Variants in CCDC88A observed in about 807,000 individuals in gnomAD.
CCDC88A encodes the protein girdin.
In CCDC88A, 54 loss-of-function variants were observed where a neutral mutation model predicts 234.3. The observed-to-expected ratio is 0.23, with a 90% confidence interval of 0.19 to 0.29. The LOEUF is 0.29. Among genes scored for constraint, CCDC88A ranks in the 10% least tolerant of loss-of-function variants. The probability of loss-of-function intolerance (pLI) is 1.00; values close to 1 mark genes in which losing one functional copy is unlikely to be tolerated. For missense variants in CCDC88A, 1,832 were observed against 2,123.4 expected (o/e 0.86, Z 2.70); for synonymous variants, 753 against 737.8 (o/e 1.02, Z -0.33).
intron 22 of CCDC88A, 49 bp downstream of exon 22, chr2:55,315,879 G>A (rs770602741): frequency 9.0e-6 from 9 of 994,748 alleles, no homozygotes; most frequent in Non-Finnish European, 1.3e-5. Flanking sequence ...TCTTAGGCAT[G>A]TCTTGGTGCC....
rs770905072 is a variant in CCDC88A, at chr2:55,374,887, T to C, written c.274-4A>G. 6.3e-7 allele frequency: 1 copy of C among 1,591,908 alleles called. No individual in the cohort carries two copies. The highest frequency in any genetic ancestry group is 8.6e-7 in the Non-Finnish European group (1 of 1,161,374). On this transcript the variant is annotated splice_region_variant and splice_polypyrimidine_tract_variant and intron_variant, in intron 3 of 32. Coordinates refer to ENST00000436346, the MANE Select transcript of CCDC88A (RefSeq NM_001365480.1). ...TGATCAATTGCTGCAAAGTCTCCTG[T>C]AAAAAAATATCCAACACTTGTTATA...
At position 55,349,569 on chromosome 2, in the gene CCDC88A, A is replaced by G; in HGVS notation, c.831T>C (p.Cys277=). The G allele has an allele frequency of 6.2e-7, 1 of 1,613,012 alleles. No individual in the cohort carries two copies. The highest frequency in any genetic ancestry group is 1.1e-5 in the South Asian group (1 of 90,888). Residue 277 remains cysteine, a synonymous_variant, in exon 9 of 33, where the codon TGT becomes TGC. Transcript: ENST00000436346. ...LEEKTEQLLD[C]KQELEQMEIE... Reference sequence around the variant, plus strand: ...TTTCCATTTGCTCAAGTTCTTGTTTACAATCCAACAACTGCTCAGTCTTTT... The same window carrying G: ...TTTCCATTTGCTCAAGTTCTTGTTTGCAATCCAACAACTGCTCAGTCTTTT...
intron 29 of CCDC88A, chr2:55,296,790 A>G (rs538570473): frequency 2.5e-6 from 1 of 405,026 alleles, no homozygotes; most frequent in Non-Finnish European, 4.4e-6. Flanking sequence ...CTCAGAGCCT[A>G]AACAGAGCCT....
chr2:55,317,722 G>A lies in CCDC88A; in HGVS notation c.3444C>T (p.Asp1148=), dbSNP rs1021099724. The change falls in exon 20 of 33, where the codon GAC becomes GAT. Residue 1148 remains aspartate (D), a synonymous_variant. Coordinates refer to ENST00000436346, the MANE Select transcript of CCDC88A (RefSeq NM_001365480.1). This position sits in a 1 kb window ranked among gnomAD's most constrained non-coding sequence, Gnocchi z 4.2. ...TCAGAGAATCATAGAGAGATTTTAGGTCTTCTCGCTCTTTGATTACAGATT... is the reference window on the plus strand; with the variant it reads ...TCAGAGAATCATAGAGAGATTTTAGATCTTCTCGCTCTTTGATTACAGATT... ...ENESVIKERE[D]LKSLYDSLIK... 1.1e-5 allele frequency: 18 copies of A among 1,613,316 alleles called. No homozygotes were observed. The African/African-American group carries it at 2.3e-4, about 20-fold the overall frequency.
rs759442962 is a variant in CCDC88A at position 55,309,150 on chromosome 2, G to T, written c.4172+12C>A. The T allele has an allele frequency of 3.4e-6, 5 of 1,489,054 alleles. No individual in the cohort carries two copies. The highest frequency in any genetic ancestry group is 1.2e-5 in the South Asian group (1 of 84,236). 92.2% of individuals were successfully genotyped at this position (1,489,054 alleles called of 1,614,324 possible). A position where few individuals can be genotyped will look rare whatever the true frequency, so the allele number is the denominator to read the frequency against. ...TTCAGAATAAGAATTCATAAAATTT[G>T]GTTAATGGTACCTTCTAGGAGGAGA... On this transcript the variant is annotated intron_variant, in intron 24 of 32. Coordinates refer to ENST00000436346, the MANE Select transcript of CCDC88A (RefSeq NM_001365480.1). The surrounding 1 kb of genome is among the most constrained non-coding windows in gnomAD (Gnocchi z 5.1).
At chr2:55,409,868 G>A (rs7561210) in intron 2 of CCDC88A, among the ~76,000 whole-genome samples, 77,033 of 150,068 alleles carry the variant, frequency 0.51, 21,524 homozygotes, top group Admixed American at 0.64. Context: ...AGCCTCCCGA[G>A]TAGCTGGGAT....
chr2:55,404,548 A>G (rs568929033), intron 2 of CCDC88A: 1 of 152,312 alleles, frequency 6.6e-6, no homozygotes, highest in South Asian at 2.1e-4. Flanking sequence ...GAAATATAAT[A>G]AAAAGTAAAA....
intron 25 of CCDC88A, among the ~76,000 whole-genome samples, chr2:55,305,673 C>T (rs1246688841): frequency 6.6e-6 from 1 of 152,074 alleles, no homozygotes; most frequent in African/African-American, 2.4e-5. Flanking sequence ...ATAAGTGAGA[C>T]CCTGTCTCTA....
intron 7 of CCDC88A, among the ~76,000 whole-genome samples, chr2:55,358,586 T>TA (rs1670890335): frequency 6.6e-6 from 1 of 152,198 alleles, no homozygotes; most frequent in Non-Finnish European, 1.5e-5. Flanking sequence ...TGCAAACTGC[T>TA]ATCATTACTT....
intron 7 of CCDC88A, among the ~76,000 whole-genome samples, chr2:55,359,896 CATT>C (rs1200790819): frequency 8.0e-6 from 1 of 124,510 alleles, no homozygotes; most frequent in Non-Finnish European, 1.7e-5. Flanking sequence ...TTGTAGAACT[CATT>C]ATTAAGGAAA....
At chr2:55,302,961 C>T (rs1681077190) in intron 26 of CCDC88A, 108 bp downstream of exon 26, 1 of 755,382 alleles carries the variant, frequency 1.3e-6, no homozygotes, top group Non-Finnish European at 2.3e-6. Flanking sequence ...GAAGACTGAC[C>T]TCTGCAAAAT....
At chr2:55,385,068 C>A (rs1241347190) in intron 3 of CCDC88A, among the ~76,000 whole-genome samples, 2 of 151,846 alleles carry the variant, frequency 1.3e-5, no homozygotes, top group Non-Finnish European at 2.9e-5. Flanking sequence ...AGATAAAGTC[C>A]CCCCAAAAAA....
In CCDC88A at chr2:55,296,161, T is replaced by G; in HGVS notation, c.5091+97A>C. ...ATAAAATTGTGGTACCTCTTAATAC[T>G]CCTTAACTTACCAAAAAAAAAAAGC... On this transcript the variant is annotated intron_variant, in intron 30 of 32. Coordinates refer to ENST00000436346, the MANE Select transcript of CCDC88A (RefSeq NM_001365480.1). 6 of 1,246,606 alleles carry G rather than the reference T, an allele frequency of 4.8e-6. No individual in the cohort carries two copies. The South Asian group carries it at 9.1e-5, about 19-fold the overall frequency. The allele number at this position is 1,246,606 out of a possible 1,614,324, so 77.2% of individuals were successfully genotyped here.
intron 29 of CCDC88A, among the ~76,000 whole-genome samples, chr2:55,297,899 A>G (rs905157241): frequency 3.3e-5 from 5 of 152,222 alleles, no homozygotes; most frequent in African/African-American, 4.8e-5. Context: ...AGGAAAGTTA[A>G]ATAAAGATAT....
chr2:55,302,929 C>A (rs1574019399), intron 26 of CCDC88A, 140 bp downstream of exon 26: 2 of 584,820 alleles, frequency 3.4e-6, no homozygotes, highest in Middle Eastern at 2.9e-4. Flanking sequence ...AAAAAAAATT[C>A]TTCTAGCTCC....
intron 21 of CCDC88A, 29 bp from the exon 22 acceptor site, chr2:55,316,143 T>C (rs778248708): frequency 8.4e-6 from 8 of 948,970 alleles, no homozygotes; most frequent in Non-Finnish European, 1.2e-5. Flanking sequence ...GAAATATAAT[T>C]AGATTATCTT....
At chr2:55,354,629 T>C (rs546026130) in intron 8 of CCDC88A, among the ~76,000 whole-genome samples, 2 of 152,092 alleles carry the variant, frequency 1.3e-5, no homozygotes, top group African/African-American at 4.8e-5. Context: ...AGTGTCACCA[T>C]CTCGGCTCAC....
At chr2:55,294,847 A>T in intron 31 of CCDC88A, 1 of 1,045,344 alleles carries the variant, frequency 9.6e-7, no homozygotes, top group Non-Finnish European at 1.2e-6. Context: ...GCATGCAGAA[A>T]ATGGACAAAG....
chr2:55,343,558 C>T (rs1668751784), intron 12 of CCDC88A, 90 bp downstream of exon 12: 2 of 940,278 alleles, frequency 2.1e-6, no homozygotes, highest in Admixed American at 2.7e-5. Context: ...TCTGAGATAT[C>T]TCCCACTGCG....
Sources: allele counts gnomAD v4.1 joint callset (sites outside exome capture counted in the v4.1 genomes callset), GRCh38; gene constraint gnomAD v4.1.1; non-coding constraint Gnocchi (gnomAD v3.1); transcripts MANE v1.5; gene names NCBI Gene and HGNC (gene_info 2026-07-23, HGNC 2026-07-21).